Variants in BRI3BP observed in about 807,000 individuals in gnomAD.
BRI3BP encodes the protein BRI3-binding protein.
In BRI3BP, 7 loss-of-function variants were observed where a neutral mutation model predicts 15.8. That is an observed-to-expected ratio of 0.44 (90% CI 0.25 to 0.83). The LOEUF is 0.83. Among genes scored for constraint, BRI3BP ranks in the 40% least tolerant of loss-of-function variants. BRI3BP has a pLI of 0.20. For synonymous variants in BRI3BP, 192 were observed against 163.5 expected (o/e 1.17, Z -1.33); for missense variants, 320 against 339.3 (o/e 0.94, Z 0.45).
intron 1 of BRI3BP, among the ~76,000 whole-genome samples, chr12:124,997,430 G>A (rs138524136): frequency 0.02 from 2,960 of 150,806 alleles, 48 homozygotes; most frequent in Middle Eastern, 0.049. Flanking sequence ...TGGCCAGGCT[G>A]GTCTCGATCT....
chr12:125,025,506 A>G lies in BRI3BP; in HGVS notation c.*76A>G. 2.2e-6 allele frequency: 3 copies of G among 1,334,868 alleles called. No individual in the cohort carries two copies. The South Asian group carries it at 4.6e-5, about 20-fold the overall frequency. The allele number at this position is 1,334,868 out of a possible 1,614,324, so 82.7% of individuals were successfully genotyped here. On this transcript the variant is annotated 3_prime_UTR_variant, in exon 3 of 3. Coordinates refer to ENST00000341446, the MANE Select transcript of BRI3BP (RefSeq NM_080626.6). ...ACGAAAACGGAGGAAAAAAACCCCA[A>G]ACCCCAAACAATCTTAATAAACACG... is the stretch of plus-strand genomic sequence containing the variant.
chr12:125,015,651 G>A (rs1258066627), intron 2 of BRI3BP, among the ~76,000 whole-genome samples: 1 of 152,222 alleles, frequency 6.6e-6, no homozygotes, highest in Non-Finnish European at 1.5e-5. Flanking sequence ...GGGTCCACTG[G>A]CCATGATGGG....
intron 1 of BRI3BP, among the ~76,000 whole-genome samples, chr12:125,010,724 C>T (rs4765017): frequency 0.083 from 12,596 of 152,040 alleles, 656 homozygotes; most frequent in Non-Finnish European, 0.12. Context: ...TGCAGTGAGC[C>T]GAGATCGTGC....
At chr12:125,018,651 T>G (rs372838096) in intron 2 of BRI3BP, among the ~76,000 whole-genome samples, 14 of 150,996 alleles carry the variant, frequency 9.3e-5, no homozygotes, top group African/African-American at 3.2e-4. Context: ...CCAAACAAAC[T>G]GAGAGAATAA....
intron 1 of BRI3BP, among the ~76,000 whole-genome samples, chr12:124,998,903 C>A (rs995006387): frequency 2.0e-5 from 3 of 151,866 alleles, no homozygotes; most frequent in African/African-American, 7.3e-5. Flanking sequence ...ATAGTGAGAC[C>A]CCATCTCTAC....
rs1565900875 is a variant in BRI3BP at position 124,997,212 on chromosome 12, C to CTTTTTTTTTTTTT, written c.213+3210_213+3211insTTTTTTTTTTTTT. Among the ~76,000 whole-genome samples the CTTTTTTTTTTTTT allele has an allele frequency of 5.9e-5, 2 of 33,910 alleles. 1 individual carries two copies. Among genetic ancestry groups the CTTTTTTTTTTTTT allele is most frequent in the African/African-American group, 4.9e-4 (2 of 4,112 alleles). The allele number at this position is 33,910 out of a possible 152,430, so 22.2% of individuals were successfully genotyped here. ...CTTCTCTTTTTTTTTTGCTTTACTT[C>CTTTTTTTTTTTTT]TCTTTTTTTTTTTTTTTTTTTGAGA... On this transcript the variant is annotated intron_variant, in intron 1 of 2. Transcript: ENST00000341446.
chr12:125,005,897 G>A (rs1011461184), intron 1 of BRI3BP, among the ~76,000 whole-genome samples: 2 of 152,096 alleles, frequency 1.3e-5, no homozygotes, highest in African/African-American at 4.8e-5. Context: ...GTGCACTGCA[G>A]CCCAGTCGCC....
chr12:125,020,984 C>T (rs1955293943), intron 2 of BRI3BP, among the ~76,000 whole-genome samples: 1 of 152,204 alleles, frequency 6.6e-6, no homozygotes, highest in African/African-American at 2.4e-5. Context: ...GTAGAACCCA[C>T]ATAAACGAAA....
chr12:125,019,373 A>G (rs1450277271), intron 2 of BRI3BP, among the ~76,000 whole-genome samples: 1 of 151,950 alleles, frequency 6.6e-6, no homozygotes, highest in East Asian at 1.9e-4. Flanking sequence ...GTCTCTGGGC[A>G]TCTTTCCTGG....
chr12:125,039,497 C>T, the BRI3BP span, among the ~76,000 whole-genome samples: 2 of 152,126 alleles, frequency 1.3e-5, no homozygotes, highest in African/African-American at 2.4e-5. Context: ...ATTCTTGCTA[C>T]TCGCCTTGGG....
chr12:125,033,187 T>C (rs1285326696), downstream of BRI3BP, among the ~76,000 whole-genome samples: 5 of 152,154 alleles, frequency 3.3e-5, no homozygotes, highest in Non-Finnish European at 7.4e-5. Flanking sequence ...ACAAACTTCC[T>C]TCCTTTGCTT....
chr12:125,016,655 A>G (rs1378857739), intron 2 of BRI3BP, among the ~76,000 whole-genome samples: 1 of 151,586 alleles, frequency 6.6e-6, no homozygotes, highest in Non-Finnish European at 1.5e-5. Context: ...CCTGCCAAGT[A>G]GCTGGGATTA....
Position 125,025,318 on chromosome 12 carries a change from C to T in BRI3BP, c.644C>T (p.Pro215Leu). 6.2e-7 allele frequency: 1 copy of T among 1,613,622 alleles called. No individual in the cohort carries two copies. Among genetic ancestry groups the T allele is most frequent in the Non-Finnish European group, 8.5e-7 (1 of 1,179,864 alleles). Reference sequence around the variant, plus strand: ...AGCAGTCCCAGCGGCCCCAGCAACCCCAGCAACCCCAGCGTGGAGGAGAAG... The same window carrying T: ...AGCAGTCCCAGCGGCCCCAGCAACCTCAGCAACCCCAGCGTGGAGGAGAAG... ...WRSSPSGPSN[P>L]SNPSVEEKLE... Residue 215 changes from proline (P) to leucine (L), a missense_variant, in exon 3 of 3, where the codon CCC (proline) becomes CTC (leucine). Pro to Leu is a moderately conservative substitution (Grantham distance 98). Transcript: ENST00000341446.
At chr12:125,018,590 C>G (rs1040633584) in intron 2 of BRI3BP, among the ~76,000 whole-genome samples, 3 of 152,048 alleles carry the variant, frequency 2.0e-5, no homozygotes, top group Non-Finnish European at 4.4e-5. Flanking sequence ...GATTCACCCT[C>G]GAGCCTCTGG....
chr12:125,021,722 G>A (rs182372709), intron 2 of BRI3BP, among the ~76,000 whole-genome samples: 24 of 152,286 alleles, frequency 1.6e-4, no homozygotes, highest in Admixed American at 9.8e-4. Flanking sequence ...AAGCAAGAGC[G>A]AGGGGTAAAC....
intron 1 of BRI3BP, among the ~76,000 whole-genome samples, chr12:124,997,214 CTTT>C (rs1229802280): frequency 1.2e-4 from 6 of 51,534 alleles, no homozygotes; most frequent in Admixed American, 2.8e-4. Flanking sequence ...CTTTACTTCT[CTTT>C]TTTTTTTTTT....
At position 125,026,236 on chromosome 12, in the gene BRI3BP, T is replaced by G. The variant is rs1275381317; in HGVS notation, c.*806T>G. On this transcript the variant is annotated 3_prime_UTR_variant, in exon 3 of 3. Coordinates refer to ENST00000341446, the MANE Select transcript of BRI3BP (RefSeq NM_080626.6). ...ATGCCAGGAAGTACCTGGTAAGGAT[T>G]GGAGATTGCTCCAGAATCTACTGCA... is the stretch of plus-strand genomic sequence containing the variant. 1 of 152,030 alleles carries G rather than the reference T, an allele frequency of 6.6e-6. No homozygotes were observed. The highest frequency in any genetic ancestry group is 2.4e-5 in the African/African-American group (1 of 41,378). The allele number at this position is 152,030 out of a possible 1,614,324, so 9.4% of individuals were successfully genotyped here. A position where few individuals can be genotyped will look rare whatever the true frequency, so the allele number is the denominator to read the frequency against.
rs146870547 is a variant in BRI3BP at position 125,019,015 on chromosome 12, C to T, written c.317-5976C>T. Among the ~76,000 whole-genome samples the T allele has an allele frequency of 1.2e-3, 177 of 152,196 alleles. 1 individual carries two copies. Among genetic ancestry groups the T allele is most frequent in the African/African-American group, 4.2e-3 (173 of 41,532 alleles). On this transcript the variant is annotated intron_variant, in intron 2 of 2. Coordinates refer to ENST00000341446, the MANE Select transcript of BRI3BP (RefSeq NM_080626.6). ...CTGGAATTACAGGCACCCACCACCA[C>T]GCCTGGCTAATTTTTATATTTCAGT...
chr12:125,001,667 C>T lies in BRI3BP; in HGVS notation c.213+7664C>T, dbSNP rs530316600. On this transcript the variant is annotated intron_variant, in intron 1 of 2. Coordinates refer to ENST00000341446, the MANE Select transcript of BRI3BP (RefSeq NM_080626.6). ...CTGGGATTATAGGCGTGAGCCACTTCGCCTGGCCCAGTAAGGGACTTTTAC... is the reference window on the plus strand; with the variant it reads ...CTGGGATTATAGGCGTGAGCCACTTTGCCTGGCCCAGTAAGGGACTTTTAC... Among the ~76,000 whole-genome samples the T allele has an allele frequency of 9.2e-5, 14 of 152,280 alleles. No homozygotes were observed. In the East Asian group the frequency reaches 1.2e-3, roughly 13 times the overall value.
Sources: allele counts gnomAD v4.1 joint callset (sites outside exome capture counted in the v4.1 genomes callset), GRCh38; gene constraint gnomAD v4.1.1; transcripts MANE v1.5; gene names NCBI Gene and HGNC (gene_info 2026-07-23, HGNC 2026-07-21).